STIM1: variants seen among roughly 807,000 people sequenced by gnomAD.
STIM1 encodes the protein stromal interaction molecule 1.
Under a neutral mutation model 74.7 loss-of-function variants are expected in STIM1, and 25 were observed. That is an observed-to-expected ratio of 0.33 (90% CI 0.24 to 0.47). STIM1 has a LOEUF of 0.47. Among genes scored for constraint, STIM1 ranks in the 20% least tolerant of loss-of-function variants. The pLI, the probability that STIM1 is intolerant of heterozygous loss-of-function variation, is 1.00. For synonymous variants in STIM1, 328 were observed against 348.8 expected (o/e 0.94, Z 0.66); for missense variants, 728 against 920.8 (o/e 0.79, Z 2.71).
At chr11:3,855,187 CG>C (rs1419116542), upstream of STIM1, 1 of 152,504 alleles carries the variant, frequency 6.6e-6, no homozygotes, top group Non-Finnish European at 1.5e-5. Flanking sequence ...AGCTCGCCCC[CG>C]GGCCGAGCCG....
intron 1 of STIM1, among the ~76,000 whole-genome samples, chr11:3,889,860 C>A (rs903423841): frequency 6.6e-6 from 1 of 152,064 alleles, no homozygotes. Context: ...ATATAAGGTA[C>A]ATAAACTGGA....
chr11:3,873,568 T>C (rs778485201), intron 1 of STIM1, among the ~76,000 whole-genome samples: 13 of 152,054 alleles, frequency 8.5e-5, no homozygotes, highest in Non-Finnish European at 1.3e-4. Flanking sequence ...TGTCTGGCCA[T>C]GTGTTTACCT....
chr11:4,059,154 G>T (rs1329043138), intron 4 of STIM1, 127 bp from the exon 5 acceptor site: 27 of 870,070 alleles, frequency 3.1e-5, no homozygotes, highest in Non-Finnish European at 5.1e-5. Context: ...TAGACTCTGT[G>T]TTCTAGAGTG....
chr11:4,060,274 A>T (rs894457), intron 5 of STIM1, among the ~76,000 whole-genome samples: 1 of 152,200 alleles, frequency 6.6e-6, no homozygotes, highest in East Asian at 1.9e-4. Context: ...ACCAAACAGG[A>T]TCTTAGGGCC....
chr11:3,964,617 T>C (rs2093322256), intron 1 of STIM1, among the ~76,000 whole-genome samples: 1 of 152,218 alleles, frequency 6.6e-6, no homozygotes, highest in East Asian at 1.9e-4. Context: ...ACCCTAGAGC[T>C]TGGTAAACTA....
At chr11:3,892,457 T>G in intron 1 of STIM1, 2 of 1,490,212 alleles carry the variant, frequency 1.3e-6, no homozygotes, top group Non-Finnish European at 1.9e-6. Flanking sequence ...GGACCCAAAG[T>G]GCTCTATGGC....
At chr11:3,989,586 A>C (rs1283182691) in intron 2 of STIM1, 15 of 468,610 alleles carry the variant, frequency 3.2e-5, no homozygotes, top group Non-Finnish European at 3.6e-5. Context: ...GATCCCCAGA[A>C]GGGGCGGTGG....
At chr11:3,913,475 A>G (rs1156710143) in intron 1 of STIM1, among the ~76,000 whole-genome samples, 1 of 152,000 alleles carries the variant, frequency 6.6e-6, no homozygotes, top group African/African-American at 2.4e-5. Flanking sequence ...GGGATCAACC[A>G]CTGTGCCCAG....
intron 2 of STIM1, among the ~76,000 whole-genome samples, chr11:4,023,112 C>A (rs1193183367): frequency 6.6e-6 from 1 of 152,156 alleles, no homozygotes; most frequent in Non-Finnish European, 1.5e-5. Context: ...GGGTGGATTG[C>A]CTGAGCTCAA....
At chr11:3,947,661 A>G (rs1358373192) in intron 1 of STIM1, 2 of 152,192 alleles carry the variant, frequency 1.3e-5, no homozygotes, top group Non-Finnish European at 2.9e-5. Flanking sequence ...AGCAGAGAGG[A>G]GTTGAGGTGA....
chr11:3,996,738 T>C (rs2135882012), intron 2 of STIM1, among the ~76,000 whole-genome samples: 1 of 152,344 alleles, frequency 6.6e-6, no homozygotes, highest in South Asian at 2.1e-4. Flanking sequence ...TTCCAGAAAC[T>C]TTAAATGGTT....
At chr11:3,859,376 G>T (rs1247591944) in intron 1 of STIM1, among the ~76,000 whole-genome samples, 1 of 152,122 alleles carries the variant, frequency 6.6e-6, no homozygotes, top group Non-Finnish European at 1.5e-5. Flanking sequence ...AAAGATCTGT[G>T]CCTGCCTGTG....
At chr11:4,012,117 G>T (rs1019053706) in intron 2 of STIM1, among the ~76,000 whole-genome samples, 1 of 152,154 alleles carries the variant, frequency 6.6e-6, no homozygotes, top group African/African-American at 2.4e-5. Flanking sequence ...TGCTGTTTTG[G>T]TTACTGTAGC....
intron 1 of STIM1, among the ~76,000 whole-genome samples, chr11:3,905,366 A>G (rs1043686659): frequency 1.8e-4 from 28 of 151,944 alleles, no homozygotes; most frequent in Non-Finnish European, 4.0e-4. Context: ...GGCAGGTTCA[A>G]AGATTTTTTT....
chr11:4,087,999 G>T (rs181842608), intron 12 of STIM1, among the ~76,000 whole-genome samples: 1 of 152,062 alleles, frequency 6.6e-6, no homozygotes, highest in East Asian at 1.9e-4. Flanking sequence ...TTCCCTCCAG[G>T]TCTCATAGCT....
intron 1 of STIM1, among the ~76,000 whole-genome samples, chr11:3,920,771 C>T (rs7945639): frequency 0.36 from 55,130 of 151,654 alleles, 11,875 homozygotes; most frequent in Admixed American, 0.46. Context: ...GTAGTGCTAC[C>T]CTGAAGTATC....
At chr11:3,886,687 CAAAAAAAAAAAAAAA>C (rs199847545) in intron 1 of STIM1, among the ~76,000 whole-genome samples, 3 of 87,912 alleles carry the variant, frequency 3.4e-5, no homozygotes, top group Admixed American at 1.3e-4. Flanking sequence ...GACTCTGTGT[CAAAAAAAAAAAAAAA>C]AAAAAAAAAG....
intron 3 of STIM1, among the ~76,000 whole-genome samples, chr11:4,041,677 A>G (rs1240568637): frequency 6.6e-6 from 1 of 151,578 alleles, no homozygotes; most frequent in African/African-American, 2.4e-5. Context: ...GGCTCACTCT[A>G]GCCTCAACTC....
At chr11:4,059,503 T>A in intron 5 of STIM1, 107 bp downstream of exon 5, 1 of 826,282 alleles carries the variant, frequency 1.2e-6, no homozygotes, top group South Asian at 1.4e-5. Flanking sequence ...ACCTGCAAGA[T>A]AGCACCTATA....
Sources: gnomAD v4.1 joint callset for allele counts (sites outside exome capture counted in the v4.1 genomes callset) on GRCh38, gnomAD v4.1.1 for gene constraint, MANE v1.5 for transcripts, NCBI Gene and HGNC (gene_info 2026-07-23, HGNC 2026-07-21) for gene names.